FOXP2: variants seen among roughly 807,000 people sequenced by gnomAD.
The protein encoded by FOXP2 is forkhead box P2.
In FOXP2, 12 loss-of-function variants were observed where a neutral mutation model predicts 115.8. That is an observed-to-expected ratio of 0.10 (90% CI 0.07 to 0.17). The LOEUF is 0.17. Among genes scored for constraint, FOXP2 ranks in the 10% least tolerant of loss-of-function variants. FOXP2 has a pLI of 1.00. For missense variants in FOXP2, 629 were observed against 843.5 expected, an observed-to-expected ratio of 0.75 and a Z score of 3.15; for synonymous variants, 328 against 297.7, an observed-to-expected ratio of 1.10 and a Z score of -1.05.
intron 2 of FOXP2, among the ~76,000 whole-genome samples, chr7:114,321,316 A>T (rs1210979208): frequency 6.6e-6 from 1 of 151,844 alleles, no homozygotes; most frequent in Non-Finnish European, 1.5e-5. Flanking sequence ...CTCCTGCCTC[A>T]GCCTCTCGAG....
chr7:114,514,196 T>C (rs1400095786), intron 2 of FOXP2, among the ~76,000 whole-genome samples: 1 of 152,072 alleles, frequency 6.6e-6, no homozygotes, highest in Non-Finnish European at 1.5e-5. Flanking sequence ...CATATAGGTA[T>C]GCATTGCAGA....
At chr7:114,474,585 T>A (rs1276482904) in intron 2 of FOXP2, among the ~76,000 whole-genome samples, 1 of 152,156 alleles carries the variant, frequency 6.6e-6, no homozygotes, top group Non-Finnish European at 1.5e-5. Flanking sequence ...CCCAATTGAA[T>A]ATCCTAGAAA....
At chr7:114,328,322 C>T (rs563080098) in intron 2 of FOXP2, among the ~76,000 whole-genome samples, 40 of 150,862 alleles carry the variant, frequency 2.7e-4, no homozygotes, top group African/African-American at 7.1e-4. Flanking sequence ...CTGCAAGCTC[C>T]GCCTCCTGGA....
chr7:114,690,003 A>G lies in FOXP2; in HGVS notation c.*77A>G. The G allele has an allele frequency of 5.2e-6, 8 of 1,537,110 alleles. No homozygotes were observed. The highest frequency in any genetic ancestry group is 7.2e-6 in the Non-Finnish European group (8 of 1,117,636). ...ACCACTCCACAACCATGAATATTTG[A>G]CAAATTTTTACTGTGACTATTTATT... On this transcript the variant is annotated 3_prime_UTR_variant, in exon 17 of 17. Coordinates refer to ENST00000350908, the MANE Select transcript of FOXP2 (RefSeq NM_014491.4).
chr7:114,494,243 A>G (rs1185602200), intron 2 of FOXP2, among the ~76,000 whole-genome samples: 1 of 152,188 alleles, frequency 6.6e-6, no homozygotes, highest in Admixed American at 6.6e-5. Flanking sequence ...ACATAATTTG[A>G]AAAGAAACTG....
In FOXP2 at chr7:114,177,303, C is replaced by A. The variant is rs182557842; in HGVS notation, c.-102+14215C>A. ...ATGCTTTTATCATTAGTAGACATTA[C>A]CAACCAGTCTTCTAGAGCAGTTGTT... On this transcript the variant is annotated intron_variant, in intron 1 of 17. Coordinates refer to the FOXP2 transcript ENST00000634411. Among the ~76,000 whole-genome samples the A allele has an allele frequency of 3.9e-5, 6 of 152,234 alleles. No individual in the cohort carries two copies. The East Asian group carries it at 9.7e-4, about 25-fold the overall frequency.
At chr7:114,545,670 C>G (rs961335047) in intron 3 of FOXP2, among the ~76,000 whole-genome samples, 38 of 152,106 alleles carry the variant, frequency 2.5e-4, no homozygotes, top group African/African-American at 8.9e-4. Flanking sequence ...TGTCCATTAC[C>G]TGGTTTTTAC....
intron 3 of FOXP2, among the ~76,000 whole-genome samples, chr7:114,540,631 T>C (rs2129281022): frequency 6.6e-6 from 1 of 152,102 alleles, no homozygotes; most frequent in East Asian, 1.9e-4. Flanking sequence ...AATAAGCATT[T>C]AAAAAAGAAA....
intron 2 of FOXP2, among the ~76,000 whole-genome samples, chr7:114,364,935 C>G (rs1401762666): frequency 1.3e-5 from 2 of 152,108 alleles, no homozygotes; most frequent in Non-Finnish European, 2.9e-5. Context: ...TGTGCTTTAA[C>G]CAGCACAAAT....
chr7:114,556,910 T>C (rs1800490781), intron 3 of FOXP2, among the ~76,000 whole-genome samples: 1 of 152,236 alleles, frequency 6.6e-6, no homozygotes, highest in Admixed American at 6.5e-5. Flanking sequence ...ATCTTTTGTA[T>C]TGTTTTTTGA....
Position 114,630,783 on chromosome 7 carries a change from T to C in FOXP2, c.598-745T>C, listed in dbSNP as rs918554817. ...CTCCCGAGGCTTTGGGCAATCCACATGACTTGCTCCATTATGCAGTCTGTT... is the reference window on the plus strand; with the variant it reads ...CTCCCGAGGCTTTGGGCAATCCACACGACTTGCTCCATTATGCAGTCTGTT... On this transcript the variant is annotated intron_variant, in intron 5 of 16. Transcript: ENST00000350908. Among the ~76,000 whole-genome samples the C allele has an allele frequency of 2.6e-5, 4 of 152,154 alleles. No homozygotes were observed. In the East Asian group the frequency reaches 7.7e-4, roughly 29 times the overall value.
chr7:114,588,844 A>C (rs1802289517), intron 3 of FOXP2, among the ~76,000 whole-genome samples: 1 of 152,152 alleles, frequency 6.6e-6, no homozygotes, highest in African/African-American at 2.4e-5. Context: ...TTCCTGCAGC[A>C]TTTATTATGT....
At chr7:114,509,391 G>A (rs1797967046) in intron 2 of FOXP2, among the ~76,000 whole-genome samples, 1 of 151,810 alleles carries the variant, frequency 6.6e-6, no homozygotes, top group African/African-American at 2.4e-5. Flanking sequence ...ATATTTTGAA[G>A]GAAATGGAAA....
chr7:114,307,259 C>T (rs1190772069), intron 2 of FOXP2, among the ~76,000 whole-genome samples: 1 of 152,070 alleles, frequency 6.6e-6, no homozygotes, highest in Admixed American at 6.6e-5. Context: ...AATAGGATTT[C>T]AAGCAGCAGG....
chr7:114,454,971 T>C (rs1200502488), intron 2 of FOXP2, among the ~76,000 whole-genome samples: 1 of 148,936 alleles, frequency 6.7e-6, no homozygotes, highest in Non-Finnish European at 1.5e-5. Context: ...TATACATATG[T>C]AACTAACCTG....
At chr7:114,584,470 A>G (rs2129303574) in intron 3 of FOXP2, among the ~76,000 whole-genome samples, 1 of 152,226 alleles carries the variant, frequency 6.6e-6, no homozygotes, top group African/African-American at 2.4e-5. Flanking sequence ...AACTTCCTGT[A>G]TTTCTCCTAT....
intron 10 of FOXP2, among the ~76,000 whole-genome samples, chr7:114,656,871 C>T (rs1453179908): frequency 6.6e-6 from 1 of 152,024 alleles, no homozygotes; most frequent in Non-Finnish European, 1.5e-5. Flanking sequence ...ACATCATTTT[C>T]TCCCCATTAA....
intron 3 of FOXP2, among the ~76,000 whole-genome samples, chr7:114,588,042 G>T (rs918873836): frequency 6.6e-6 from 1 of 151,718 alleles, no homozygotes; most frequent in African/African-American, 2.4e-5. Context: ...GGGCATGGTG[G>T]CTCAGGCCTG....
chr7:114,404,986 C>T (rs567098512), intron 2 of FOXP2, among the ~76,000 whole-genome samples: 79 of 151,900 alleles, frequency 5.2e-4, no homozygotes, highest in Non-Finnish European at 8.4e-4. Flanking sequence ...GATTAGTTAG[C>T]GAAAGAACCA....
Sources: gnomAD v4.1 joint callset for allele counts (sites outside exome capture counted in the v4.1 genomes callset) on GRCh38, gnomAD v4.1.1 for gene constraint, MANE v1.5 for transcripts, NCBI Gene and HGNC (gene_info 2026-07-23, HGNC 2026-07-21) for gene names.